INTS3: variants seen among roughly 807,000 people sequenced by gnomAD.
INTS3 encodes integrator complex subunit 3.
INTS3 carries 34 observed loss-of-function variants against 146.3 expected under a neutral mutation model. The ratio of observed to expected loss-of-function variants is 0.23; its 90% confidence interval spans 0.18 to 0.31. The LOEUF is 0.31. INTS3 is among the 10% of genes least tolerant of loss of function. The probability of loss-of-function intolerance (pLI) is 1.00; values close to 1 mark genes in which losing one functional copy is unlikely to be tolerated. For synonymous variants in INTS3, 475 were observed against 494.9 expected (o/e 0.96, Z 0.53); for missense variants, 757 against 1,304.2 (o/e 0.58, Z 6.46).
rs1261959150 is a variant in INTS3 at position 153,772,520 on chromosome 1, G to C, written c.2821+80G>C. On this transcript the variant is annotated intron_variant, in intron 27 of 29. Transcript: ENST00000318967. This position sits in a 1 kb window ranked among gnomAD's most constrained non-coding sequence, Gnocchi z 4.6. ...ATGCCTGGAGCCAGGCTGGGGGCAG[G>C]GGCAGGACACCCGGGGCCACAACCC... 3.7e-6 allele frequency: 6 copies of C among 1,612,664 alleles called. No individual in the cohort carries two copies. Among genetic ancestry groups the C allele is most frequent in the East Asian group, 2.2e-5 (1 of 44,820 alleles).
intron 10 of INTS3, among the ~76,000 whole-genome samples, chr1:153,758,763 A>C (rs1672259711): frequency 1.3e-5 from 2 of 149,020 alleles, no homozygotes; most frequent in Non-Finnish European, 3.0e-5. Context: ...CTGCCACTGC[A>C]CTCCAGCCTG....
intron 11 of INTS3, 162 bp downstream of exon 11, chr1:153,759,775 A>C (rs1672305410): frequency 1.6e-6 from 1 of 615,420 alleles, no homozygotes; most frequent in South Asian, 1.9e-5. Flanking sequence ...ACCTAGAAAG[A>C]GAATTGCTTT....
At chr1:153,753,920 G>A (rs1672060782) in intron 8 of INTS3, 1 of 150,562 alleles carries the variant, frequency 6.6e-6, no homozygotes, top group Non-Finnish European at 1.5e-5. Flanking sequence ...CTCCCAAAGT[G>A]CTGAGATTAC....
intron 22 of INTS3, among the ~76,000 whole-genome samples, chr1:153,769,191 C>A (rs1672715804): frequency 6.6e-6 from 1 of 152,222 alleles, no homozygotes; most frequent in South Asian, 2.1e-4. Flanking sequence ...CCTTATTCTC[C>A]ATATTCTTTG....
At chr1:153,745,913 G>T (rs1671716544) in intron 3 of INTS3, among the ~76,000 whole-genome samples, 1 of 152,122 alleles carries the variant, frequency 6.6e-6, no homozygotes, top group Admixed American at 6.6e-5. Context: ...TCAGCCTAGG[G>T]AACATAGTGA....
intron 7 of INTS3, chr1:153,751,975 CTT>C (rs1671973377): frequency 5.8e-6 from 2 of 346,810 alleles, no homozygotes; most frequent in African/African-American, 4.4e-5. Context: ...CCTTTTGAAA[CTT>C]TAATCTTCCT....
rs568944595 is a variant in INTS3 at position 153,763,902 on chromosome 1, A to G, written c.1821+16A>G. 1.1e-5 allele frequency: 17 copies of G among 1,612,102 alleles called. No homozygotes were observed. The highest frequency in any genetic ancestry group is 1.3e-5 in the Non-Finnish European group (15 of 1,178,378). On this transcript the variant is annotated intron_variant, in intron 17 of 29. Coordinates refer to ENST00000318967, the MANE Select transcript of INTS3 (RefSeq NM_023015.5). ...GGTCCTGGAGGTGAGGAGGAACCCAATCCCTTAGGGAGGAAGCAGCCTAGC... is the reference window on the plus strand; with the variant it reads ...GGTCCTGGAGGTGAGGAGGAACCCAGTCCCTTAGGGAGGAAGCAGCCTAGC...
rs553348230 is a variant in INTS3 at position 153,728,697 on chromosome 1, TGGA to T, written c.74_76del (p.Gly25del). ...CAGCTGCTTCGGGAGCAGCGGGAGG[TGGA>T]GGAGGAGGAGCGGGAGCAGGAGCCC... On this transcript the variant is annotated inframe_deletion, in exon 1 of 30. Transcript: ENST00000318967. The T allele has an allele frequency of 3.8e-6, 6 of 1,597,598 alleles. No homozygotes were observed. Among genetic ancestry groups the T allele is most frequent in the Non-Finnish European group, 5.1e-6 (6 of 1,172,270 alleles).
intron 1 of INTS3, among the ~76,000 whole-genome samples, chr1:153,735,175 G>A (rs993624285): frequency 6.6e-6 from 1 of 152,186 alleles, no homozygotes; most frequent in African/African-American, 2.4e-5. Context: ...TCACTATGTT[G>A]CCTAGGCTGG....
intron 15 of INTS3, 144 bp downstream of exon 15, chr1:153,762,991 G>C: frequency 1.7e-6 from 2 of 1,173,450 alleles, no homozygotes; most frequent in Non-Finnish European, 2.4e-6. Flanking sequence ...TGAGACTCCA[G>C]AATGCAGAGC....
At chr1:153,764,002 G>A (rs1672484408) in intron 17 of INTS3, 116 bp downstream of exon 17, 1 of 1,275,802 alleles carries the variant, frequency 7.8e-7, no homozygotes, top group Non-Finnish European at 1.1e-6. Flanking sequence ...CTTATAGTGG[G>A]GAGGGGAGCT....
intron 1 of INTS3, among the ~76,000 whole-genome samples, chr1:153,733,332 C>T (rs1489816631): frequency 6.6e-6 from 1 of 150,440 alleles, no homozygotes; most frequent in Non-Finnish European, 1.5e-5. Context: ...CCTGCCTCAG[C>T]CTCCCAAGTA....
Position 153,771,847 on chromosome 1 carries a change from C to A in INTS3, c.2604C>A (p.Asp868Glu). 1 of 1,614,060 alleles carries A rather than the reference C, an allele frequency of 6.2e-7. No homozygotes were observed. Among genetic ancestry groups the A allele is most frequent in the Non-Finnish European group, 8.5e-7 (1 of 1,179,992 alleles). ...KMVLSRPCHP[D>E]DQFTTSILRH... The stretch of plus-strand genomic sequence containing the variant: ...TGCTGAGCCGGCCCTGCCATCCTGA[C>A]GACCAGTTCACCACCAGCATCCTGC... Residue 868 changes from aspartate to glutamate, a missense_variant, in exon 26 of 30, where the codon GAC (aspartate) becomes GAA (glutamate). By Grantham distance (45) the Asp-to-Glu change is conservative. Transcript: ENST00000318967.
intron 3 of INTS3, among the ~76,000 whole-genome samples, chr1:153,743,283 G>C (rs1270170616): frequency 6.6e-6 from 1 of 152,212 alleles, no homozygotes; most frequent in African/African-American, 2.4e-5. Flanking sequence ...GGTTAATTCT[G>C]CCTTTGGAAC....
At chr1:153,745,447 C>T (rs961927724) in intron 3 of INTS3, among the ~76,000 whole-genome samples, 1 of 151,854 alleles carries the variant, frequency 6.6e-6, no homozygotes, top group African/African-American at 2.4e-5. Context: ...GCATGAGCCA[C>T]CATACCCGGC....
chr1:153,759,955 A>G (rs1321893168), intron 11 of INTS3: 2 of 493,240 alleles, frequency 4.1e-6, no homozygotes, highest in African/African-American at 1.9e-5. Context: ...AATGAGGGCT[A>G]CAAGCTGTTT....
At chr1:153,746,806 A>T (rs1671763640) in intron 3 of INTS3, 151 bp from the exon 4 acceptor site, 4 of 597,524 alleles carry the variant, frequency 6.7e-6, no homozygotes, top group Non-Finnish European at 1.2e-5. Flanking sequence ...TGTGGAAAGA[A>T]AGTGTCCAGA....
At chr1:153,762,376 G>T (rs190617912) in intron 14 of INTS3, among the ~76,000 whole-genome samples, 29 of 152,340 alleles carry the variant, frequency 1.9e-4, no homozygotes, top group Admixed American at 7.2e-4. Context: ...CCTGGGACGG[G>T]GAGGTTGCAG....
intron 24 of INTS3, among the ~76,000 whole-genome samples, 156 bp from the exon 25 acceptor site, chr1:153,770,529 C>T (rs1012942549): frequency 1.3e-5 from 2 of 152,146 alleles, no homozygotes; most frequent in African/African-American, 4.8e-5. Context: ...TCAGGTGGCT[C>T]AGGGACTGAT....
Sources: allele counts gnomAD v4.1 joint callset (sites outside exome capture counted in the v4.1 genomes callset), GRCh38; gene constraint gnomAD v4.1.1; non-coding constraint Gnocchi (gnomAD v3.1); transcripts MANE v1.5; gene names NCBI Gene and HGNC (gene_info 2026-07-23, HGNC 2026-07-21).